SPSB1: variants seen among roughly 807,000 people sequenced by gnomAD.
SPSB1 encodes splA/ryanodine receptor domain and SOCS box containing 1.
SPSB1 carries 8 observed loss-of-function variants against 21.2 expected under a neutral mutation model. The ratio of observed to expected loss-of-function variants is 0.38; its 90% CI spans 0.22 to 0.68. The LOEUF (loss-of-function observed/expected upper bound fraction) is 0.68. Among genes scored for constraint, SPSB1 ranks in the 30% least tolerant of loss-of-function variants. SPSB1 has a pLI of 0.53. For missense variants in SPSB1, 242 were observed against 377.8 expected, an observed-to-expected ratio of 0.64 and a Z score of 2.98; for synonymous variants, 169 against 161.7, an observed-to-expected ratio of 1.05 and a Z score of -0.34.
intron 1 of SPSB1, among the ~76,000 whole-genome samples, chr1:9,300,333 A>G (rs546317782): frequency 6.6e-6 from 1 of 152,244 alleles, no homozygotes; most frequent in South Asian, 2.1e-4. Context: ...TAACGCTTCT[A>G]GTTTTGAGTG....
At chr1:9,299,693 G>C (rs1639294063) in intron 1 of SPSB1, among the ~76,000 whole-genome samples, 1 of 152,020 alleles carries the variant, frequency 6.6e-6, no homozygotes, top group Non-Finnish European at 1.5e-5. Context: ...TGGTCAGGCT[G>C]GTCTTGAACT....
chr1:9,323,669 G>T (rs1031961715), intron 1 of SPSB1, among the ~76,000 whole-genome samples: 1 of 152,232 alleles, frequency 6.6e-6, no homozygotes, highest in African/African-American at 2.4e-5. Flanking sequence ...GGCTGCCCGC[G>T]CGTCTCCAGG....
At chr1:9,338,806 C>T (rs1440687111) in intron 1 of SPSB1, among the ~76,000 whole-genome samples, 1 of 152,218 alleles carries the variant, frequency 6.6e-6, no homozygotes, top group African/African-American at 2.4e-5. Flanking sequence ...GCCCCAGCTT[C>T]CTGGGGGCGC....
chr1:9,355,837 C>A lies in SPSB1; in HGVS notation c.-55C>A, dbSNP rs1006522110. 4.6e-6 allele frequency: 7 copies of A among 1,515,810 alleles called. No individual in the cohort carries two copies. The highest frequency in any genetic ancestry group is 1.8e-4 in the Middle Eastern group (1 of 5,466). The allele number at this position is 1,515,810 out of a possible 1,614,324, so 93.9% of individuals were successfully genotyped here. On this transcript the variant is annotated 5_prime_UTR_variant, in exon 2 of 3. Transcript: ENST00000328089. The stretch of plus-strand genomic sequence containing the variant: ...GATCAGAATACTGGAGACGAGACCA[C>A]GAGATTGATGAGTTTGCCTTGGGAG...
chr1:9,367,676 T>C lies in SPSB1; in HGVS notation c.*101T>C. The C allele has an allele frequency of 1.4e-6, 2 of 1,464,704 alleles. No individual in the cohort carries two copies. The highest frequency in any genetic ancestry group is 1.8e-6 in the Non-Finnish European group (2 of 1,103,698). 90.7% of individuals were successfully genotyped at this position (1,464,704 alleles called of 1,614,324 possible). ...ACCCTGCACCTTGGACCGGCATCCGTAGCCATGGACAGAGGTCCCTGGTCT... is the reference window on the plus strand; with the variant it reads ...ACCCTGCACCTTGGACCGGCATCCGCAGCCATGGACAGAGGTCCCTGGTCT... On this transcript the variant is annotated 3_prime_UTR_variant, in exon 3 of 3. Transcript: ENST00000328089. The surrounding 1 kb of genome is among the most constrained non-coding windows in gnomAD (Gnocchi z 5.9).
At position 9,338,170 on chromosome 1, in the gene SPSB1, G is replaced by A. The variant is rs556169617; in HGVS notation, c.-149-17573G>A. Among the ~76,000 whole-genome samples the A allele has an allele frequency of 3.9e-5, 6 of 152,336 alleles. No individual in the cohort carries two copies. In the South Asian group the frequency reaches 6.2e-4, roughly 16 times the overall value. On this transcript the variant is annotated intron_variant, in intron 1 of 2. Transcript: ENST00000328089. ...CTCCCCCCAGACCTGGAGACATGGA[G>A]GTTGGCGGTTGGGGGGTGCCACTCA... is the stretch of plus-strand genomic sequence containing the variant.
intron 1 of SPSB1, among the ~76,000 whole-genome samples, chr1:9,308,455 C>T (rs113702200): frequency 0.014 from 2,205 of 152,316 alleles, 20 homozygotes; most frequent in Non-Finnish European, 0.024. Context: ...AAAACCTAAG[C>T]TGTCATCAAC....
intron 1 of SPSB1, among the ~76,000 whole-genome samples, chr1:9,296,983 A>G (rs559335318): frequency 1.3e-5 from 2 of 152,278 alleles, no homozygotes; most frequent in Admixed American, 1.3e-4. Context: ...CATCAACAAC[A>G]GGCTTAGGCT....
chr1:9,366,107 G>A (rs1388173617), intron 2 of SPSB1, among the ~76,000 whole-genome samples: 2 of 152,250 alleles, frequency 1.3e-5, no homozygotes, highest in East Asian at 1.9e-4. Flanking sequence ...AAGGCTGGGC[G>A]CTCTGGGAAC....
In SPSB1 at chr1:9,355,792, T is replaced by C. The variant is rs1640351771; in HGVS notation, c.-100T>C. 1 of 1,494,382 alleles carries C rather than the reference T, an allele frequency of 6.7e-7. No homozygotes were observed. Among genetic ancestry groups the C allele is most frequent in the African/African-American group, 1.4e-5 (1 of 71,372 alleles). 92.6% of individuals were successfully genotyped at this position (1,494,382 alleles called of 1,614,324 possible). A position where few individuals can be genotyped will look rare whatever the true frequency, so the allele number is the denominator to read the frequency against. The stretch of plus-strand genomic sequence containing the variant: ...GCAGAGGTCTCCTGGCAGCCCTCAT[T>C]AGGAATTCTGTCTGGCCCCGATCAG... On this transcript the variant is annotated 5_prime_UTR_variant, in exon 2 of 3. Coordinates refer to ENST00000328089, the MANE Select transcript of SPSB1 (RefSeq NM_025106.4).
intron 2 of SPSB1, among the ~76,000 whole-genome samples, chr1:9,361,631 G>A (rs979080376): frequency 2.0e-5 from 3 of 152,202 alleles, no homozygotes; most frequent in Admixed American, 2.0e-4. Flanking sequence ...TTCCCTGTGC[G>A]GCCTCCCCAC....
At chr1:9,315,575 T>C (rs2100476026) in intron 1 of SPSB1, among the ~76,000 whole-genome samples, 1 of 152,364 alleles carries the variant, frequency 6.6e-6, no homozygotes, top group African/African-American at 2.4e-5. Context: ...CATCGAGTGA[T>C]GCACACTCTG....
rs1436495413 is a variant in SPSB1, at chr1:9,329,471, C to T, written c.-149-26272C>T. On this transcript the variant is annotated intron_variant, in intron 1 of 2. Transcript: ENST00000328089. Reference sequence around the variant, plus strand: ...GGAAGAGAGCCTTTGGGAAGATGGGCATGGCCACCCATCAGAAGTTAGTGC... The same window carrying T: ...GGAAGAGAGCCTTTGGGAAGATGGGTATGGCCACCCATCAGAAGTTAGTGC... Among the ~76,000 whole-genome samples the T allele has an allele frequency of 2.0e-5, 3 of 152,092 alleles. No individual in the cohort carries two copies. In the East Asian group the frequency reaches 5.8e-4, roughly 30 times the overall value.
chr1:9,320,997 T>C (rs1557451587), intron 1 of SPSB1, among the ~76,000 whole-genome samples: 1 of 152,004 alleles, frequency 6.6e-6, no homozygotes, highest in Non-Finnish European at 1.5e-5. Flanking sequence ...GCTGCCACTC[T>C]CCAGGCCAAG....
At chr1:9,295,907 C>G (rs921730891) in intron 1 of SPSB1, among the ~76,000 whole-genome samples, 2 of 152,154 alleles carry the variant, frequency 1.3e-5, no homozygotes, top group African/African-American at 4.8e-5. Context: ...GACGACAGCA[C>G]AAGGTCAGGT....
intron 2 of SPSB1, among the ~76,000 whole-genome samples, chr1:9,364,596 A>G (rs1640527757): frequency 6.6e-6 from 1 of 152,090 alleles, no homozygotes; most frequent in South Asian, 2.1e-4. Flanking sequence ...GGGATCCTTG[A>G]CCTTAAAGAA....
At chr1:9,341,530 C>T (rs888525051) in intron 1 of SPSB1, among the ~76,000 whole-genome samples, 1 of 152,206 alleles carries the variant, frequency 6.6e-6, no homozygotes, top group African/African-American at 2.4e-5. Context: ...GGTGTTTTCC[C>T]ACTGTTCACC....
intron 1 of SPSB1, among the ~76,000 whole-genome samples, chr1:9,319,244 C>T: frequency 6.6e-6 from 1 of 152,022 alleles, no homozygotes; most frequent in East Asian, 1.9e-4. Flanking sequence ...GTGGGGGGAC[C>T]AGGGGGGTGG....
At chr1:9,336,257 C>T (rs569174933) in intron 1 of SPSB1, among the ~76,000 whole-genome samples, 1 of 151,994 alleles carries the variant, frequency 6.6e-6, no homozygotes, top group East Asian at 1.9e-4. Flanking sequence ...GATGGAGTTT[C>T]ACTCTTGTTG....
Sources: gnomAD v4.1 joint callset for allele counts (sites outside exome capture counted in the v4.1 genomes callset) on GRCh38, gnomAD v4.1.1 for gene constraint, Gnocchi (gnomAD v3.1) non-coding constraint, MANE v1.5 for transcripts, NCBI Gene and HGNC (gene_info 2026-07-23, HGNC 2026-07-21) for gene names.